MAP4: variants seen among roughly 807,000 people sequenced by gnomAD.
MAP4 encodes microtubule-associated protein 4.
Under a neutral mutation model 170.2 loss-of-function variants are expected in MAP4, and 76 were observed. The ratio of observed to expected loss-of-function variants is 0.45; its 90% CI spans 0.37 to 0.54. The LOEUF is 0.54. MAP4 is among the 20% of genes least tolerant of loss of function. The pLI is 0.00. For missense variants in MAP4, 2,506 were observed against 2,748.0 expected, an observed-to-expected ratio of 0.91 and a Z score of 1.97; for synonymous variants, 909 against 994.5, an observed-to-expected ratio of 0.91 and a Z score of 1.62.
chr3:47,956,234 A>C (rs2100067742), intron 3 of MAP4, among the ~76,000 whole-genome samples: 1 of 152,198 alleles, frequency 6.6e-6, no homozygotes, highest in Non-Finnish European at 1.5e-5. Flanking sequence ...GGTAGCTCAG[A>C]CTTCAGCATT....
At chr3:47,934,699 G>GT (rs1368001755) in intron 3 of MAP4, among the ~76,000 whole-genome samples, 3 of 152,024 alleles carry the variant, frequency 2.0e-5, no homozygotes, top group Non-Finnish European at 2.9e-5. Flanking sequence ...CTCTTTCCTT[G>GT]TTTTTTTGTT....
In MAP4 at chr3:47,877,670, G is replaced by A. The variant is rs2095791423; in HGVS notation, c.5435-147C>T. 3 of 555,570 alleles carry A rather than the reference G, an allele frequency of 5.4e-6. No homozygotes were observed. In the Admixed American group the frequency reaches 9.5e-5, roughly 18 times the overall value. The allele number at this position is 555,570 out of a possible 1,614,324, so 34.4% of individuals were successfully genotyped here. The stretch of plus-strand genomic sequence containing the variant: ...GGTTGTGCTGCTGAAATGTGGACAA[G>A]CCTCCCAAGTTCTCATTGTGATGGA... On this transcript the variant is annotated intron_variant, in intron 10 of 20. Transcript: ENST00000683076.
At chr3:48,044,454 C>T (rs1220948956) in intron 1 of MAP4, among the ~76,000 whole-genome samples, 9 of 151,998 alleles carry the variant, frequency 5.9e-5, no homozygotes, top group African/African-American at 1.7e-4. Flanking sequence ...AGTGCCCGGC[C>T]GCCACTCTGT....
At chr3:47,949,465 C>CAAAAAA (rs60076214) in intron 3 of MAP4, among the ~76,000 whole-genome samples, 6 of 70,880 alleles carry the variant, frequency 8.5e-5, no homozygotes, top group South Asian at 5.5e-4. Flanking sequence ...GACTGCGTCC[C>CAAAAAA]AAAAAAAAAA....
In MAP4 at chr3:47,869,303, C is replaced by A; in HGVS notation, c.6319G>T (p.Ala2107Ser). 1 of 1,613,958 alleles carries A rather than the reference C, an allele frequency of 6.2e-7. No homozygotes were observed. The highest frequency in any genetic ancestry group is 8.5e-7 in the Non-Finnish European group (1 of 1,179,870). ...TCAGGCTTTCGGGTTGTAGCAGCTGCCTCTGTTTTTTTCTCTACTTTGGCC... is the reference window on the plus strand; with the variant it reads ...TCAGGCTTTCGGGTTGTAGCAGCTGACTCTGTTTTTTTCTCTACTTTGGCC... Reference protein sequence around the residue: ...GRAKVEKKTEAAATTRKPESN... With the variant: ...GRAKVEKKTESAATTRKPESN... The change falls in exon 16 of 21, where the codon GCA becomes TCA. Residue 2107 changes from alanine to serine, a missense_variant. Physicochemically the swap from Ala to Ser is moderately conservative, Grantham distance 99. Coordinates refer to ENST00000683076, the MANE Select transcript of MAP4 (RefSeq NM_001385682.1).
At chr3:47,893,774 T>TAA (rs529755825) in intron 10 of MAP4, among the ~76,000 whole-genome samples, 4 of 149,982 alleles carry the variant, frequency 2.7e-5, no homozygotes, top group African/African-American at 9.9e-5. Flanking sequence ...TTTTTTTTTT[T>TAA]AAAAAAAGGC....
rs759086576 is a variant in MAP4 at position 47,998,680 on chromosome 3, C to T, written c.181G>A (p.Glu61Lys). 1.9e-6 allele frequency: 3 copies of T among 1,614,162 alleles called. No homozygotes were observed. Residue 61 changes from glutamate to lysine, a missense_variant, in exon 2 of 21, where the codon GAG becomes AAG. Physicochemically the swap from Glu to Lys is moderately conservative, Grantham distance 56. Coordinates refer to ENST00000683076, the MANE Select transcript of MAP4 (RefSeq NM_001385682.1). Reference protein sequence around the residue: ...LDVDEKTGNSESKKKPCSETS... With the variant: ...LDVDEKTGNSKSKKKPCSETS... ...TCTGAGCACGGTTTCTTCTTTGACT[C>T]TGAGTTCCCGGTTTTCTCATCAACA... is the stretch of plus-strand genomic sequence containing the variant.
At chr3:47,898,518 A>T (rs1264259529) in intron 10 of MAP4, among the ~76,000 whole-genome samples, 1 of 151,666 alleles carries the variant, frequency 6.6e-6, no homozygotes, top group African/African-American at 2.4e-5. Flanking sequence ...AAAAAAAAAG[A>T]TTACACTATT....
rs984620897 is a variant in MAP4, at chr3:47,897,418, G to A, written c.5434+5532C>T. 1.4e-4 allele frequency among the ~76,000 whole-genome samples: 21 copies of A among 152,010 alleles called. No individual in the cohort carries two copies. The East Asian group carries it at 1.5e-3, about 11-fold the overall frequency. Reference sequence around the variant, plus strand: ...CTGGGATTACAGCTGTGGGCATTGCGCTCGGCCCAATGTATCTTTTTTGTG... The same window carrying A: ...CTGGGATTACAGCTGTGGGCATTGCACTCGGCCCAATGTATCTTTTTTGTG... On this transcript the variant is annotated intron_variant, in intron 10 of 20. Transcript: ENST00000683076.
In MAP4 at chr3:47,910,226, C is replaced by G. The variant is rs1405149491; in HGVS notation, c.4195G>C (p.Asp1399His). 2 of 1,611,582 alleles carry G rather than the reference C, an allele frequency of 1.2e-6. No homozygotes were observed. The highest frequency in any genetic ancestry group is 3.3e-5 in the Admixed American group (2 of 60,002). Residue 1399 changes from aspartate to histidine, a missense_variant, in exon 9 of 21, where the codon GAC (aspartate) becomes CAC (histidine). Coordinates refer to ENST00000683076, the MANE Select transcript of MAP4 (RefSeq NM_001385682.1). ...KIHVPMETTG[D>H]QGIEGMAYMD... is the part of the protein sequence containing the mutation. ...TAGGCCATTCCTTCAATTCCCTGGTCCCCTGTGGTTTCCATGGGAACATGT... is the reference window on the plus strand; with the variant it reads ...TAGGCCATTCCTTCAATTCCCTGGTGCCCTGTGGTTTCCATGGGAACATGT...
At position 47,906,857 on chromosome 3, in the gene MAP4, T is replaced by C. The variant is rs139798590; in HGVS notation, c.5383+2181A>G. Among the ~76,000 whole-genome samples the C allele has an allele frequency of 4.1e-3, 598 of 147,418 alleles. 5 individuals carry two copies. Among genetic ancestry groups the C allele is most frequent in the African/African-American group, 0.015 (578 of 39,776 alleles). ...TACTGATTCTTTTTTTTTTTTGAAA[T>C]GGAGTTTCCCTCTTGTGGCCCAGGC... On this transcript the variant is annotated intron_variant, in intron 9 of 20. Transcript: ENST00000683076.
chr3:47,858,622 G>GTGTGCGT (rs1559780682), intron 17 of MAP4, among the ~76,000 whole-genome samples: 4 of 59,804 alleles, frequency 6.7e-5, no homozygotes, highest in African/African-American at 4.8e-4. Context: ...TGTGCGCGTT[G>GTGTGCGT]TGTGTGTGTG....
intron 3 of MAP4, among the ~76,000 whole-genome samples, chr3:47,959,118 A>G (rs1284549965): frequency 6.6e-6 from 1 of 152,162 alleles, no homozygotes; most frequent in Non-Finnish European, 1.5e-5. Flanking sequence ...AAAAAAAAAA[A>G]AGGCAGTTTA....
chr3:48,007,567 G>C (rs1186125669), intron 1 of MAP4, among the ~76,000 whole-genome samples: 1 of 152,206 alleles, frequency 6.6e-6, no homozygotes, highest in Non-Finnish European at 1.5e-5. Context: ...GTCAGTGGCA[G>C]ATGGGGATGT....
intron 1 of MAP4, among the ~76,000 whole-genome samples, chr3:48,022,661 C>T (rs906695114): frequency 2.0e-5 from 3 of 152,176 alleles, no homozygotes; most frequent in East Asian, 3.9e-4. Context: ...GAGGCTGAGG[C>T]GAGCGGATCA....
At chr3:47,880,670 G>A (rs772724464) in intron 10 of MAP4, among the ~76,000 whole-genome samples, 1 of 151,976 alleles carries the variant, frequency 6.6e-6, no homozygotes, top group Non-Finnish European at 1.5e-5. Context: ...TGGAGGTCTT[G>A]CCATGTGGCC....
chr3:47,910,950 C>T lies in MAP4; in HGVS notation c.3471G>A (p.Leu1157=). The part of the protein sequence containing the change: ...QPKVAGTMQA[L]IPLESGSGMT... ...TGCCTGATCCACTTTCCAAAGGAATCAATGCCTGCATGGTGCCTGCCACCT... is the reference window on the plus strand; with the variant it reads ...TGCCTGATCCACTTTCCAAAGGAATTAATGCCTGCATGGTGCCTGCCACCT... Residue 1157 remains leucine, a synonymous_variant, in exon 9 of 21, where the codon TTG becomes TTA. Coordinates refer to ENST00000683076, the MANE Select transcript of MAP4 (RefSeq NM_001385682.1). 6.5e-7 allele frequency: 1 copy of T among 1,536,142 alleles called. No individual in the cohort carries two copies. Among genetic ancestry groups the T allele is most frequent in the Non-Finnish European group, 8.7e-7 (1 of 1,146,906 alleles).
chr3:48,024,390 C>T (rs1276003722), intron 1 of MAP4, among the ~76,000 whole-genome samples: 1 of 152,084 alleles, frequency 6.6e-6, no homozygotes, highest in African/African-American at 2.4e-5. Context: ...TCTGTTTCTT[C>T]TCCCTGGGTG....
intron 10 of MAP4, among the ~76,000 whole-genome samples, chr3:47,901,054 C>T (rs1187549058): frequency 6.6e-6 from 1 of 152,190 alleles, no homozygotes; most frequent in African/African-American, 2.4e-5. Context: ...ACTATGCATG[C>T]CTTTACACAG....
Sources: gnomAD v4.1 joint callset for allele counts (sites outside exome capture counted in the v4.1 genomes callset) on GRCh38, gnomAD v4.1.1 for gene constraint, MANE v1.5 for transcripts, NCBI Gene and HGNC (gene_info 2026-07-23, HGNC 2026-07-21) for gene names.